RELCH: variants seen among roughly 807,000 people sequenced by gnomAD.
RELCH encodes the protein RAB11 binding and LisH domain, coiled-coil and HEAT repeat containing.
RELCH carries 41 observed loss-of-function variants against 150.3 expected under a neutral mutation model. The ratio of observed to expected loss-of-function variants is 0.27; its 90% CI spans 0.21 to 0.35. The LOEUF (loss-of-function observed/expected upper bound fraction) is 0.35. RELCH is among the 10% of genes least tolerant of loss of function. RELCH has a pLI of 1.00. For missense variants in RELCH, 1,092 were observed against 1,467.8 expected, an observed-to-expected ratio of 0.74 and a Z score of 4.18; for synonymous variants, 478 against 531.8, an observed-to-expected ratio of 0.90 and a Z score of 1.39.
At position 62,306,204 on chromosome 18, in the gene RELCH, A is replaced by G. The variant is rs1232323640; in HGVS notation, c.*670A>G. 6.6e-6 allele frequency: 1 copy of G among 152,344 alleles called. No individual in the cohort carries two copies. Among genetic ancestry groups the G allele is most frequent in the Non-Finnish European group, 1.5e-5 (1 of 68,028 alleles). The allele number at this position is 152,344 out of a possible 1,614,324, so 9.4% of individuals were successfully genotyped here. A position where few individuals can be genotyped will look rare whatever the true frequency, so the allele number is the denominator to read the frequency against. On this transcript the variant is annotated 3_prime_UTR_variant, in exon 29 of 29. Coordinates refer to ENST00000644646, the MANE Select transcript of RELCH (RefSeq NM_001346231.2). ...CTTTAAGTGCTATTTAAACCTCCCC[A>G]GCACTTAGATGCATATAATGGACTT...
intron 13 of RELCH, 33 bp from the exon 14 acceptor site, chr18:62,257,915 G>T: frequency 6.5e-7 from 1 of 1,536,462 alleles, no homozygotes; most frequent in Non-Finnish European, 8.9e-7. Flanking sequence ...GTGCTTAGGT[G>T]TAAATAAATA....
At position 62,274,100 on chromosome 18, in the gene RELCH, G is replaced by A. The variant is rs1265279450; in HGVS notation, c.2867+14G>A. The A allele has an allele frequency of 1.3e-6, 2 of 1,544,944 alleles. No homozygotes were observed. The highest frequency in any genetic ancestry group is 1.1e-5 in the South Asian group (1 of 89,010). On this transcript the variant is annotated intron_variant, in intron 21 of 28. Coordinates refer to ENST00000644646, the MANE Select transcript of RELCH (RefSeq NM_001346231.2). The stretch of plus-strand genomic sequence containing the variant: ...TGTGGAATTGGGGTAAGAAATAACA[G>A]CTTATAGTTTGCTAAAAGGCATATA...
chr18:62,250,939 T>C (rs569558269), intron 11 of RELCH, among the ~76,000 whole-genome samples: 3 of 152,292 alleles, frequency 2.0e-5, no homozygotes, highest in South Asian at 2.1e-4. Context: ...AAAAATATAC[T>C]TTTTTTCCCA....
At chr18:62,263,718 A>G (rs11152340) in intron 16 of RELCH, among the ~76,000 whole-genome samples, 24,735 of 152,000 alleles carry the variant, frequency 0.16, 2,700 homozygotes, top group Middle Eastern at 0.28. Flanking sequence ...ACAATCATGA[A>G]TAAAATAGAT....
intron 1 of RELCH, among the ~76,000 whole-genome samples, chr18:62,193,515 C>G (rs1013257762): frequency 6.6e-6 from 1 of 151,980 alleles, no homozygotes; most frequent in Non-Finnish European, 1.5e-5. Flanking sequence ...ATATATGGCT[C>G]TTATTATTTT....
intron 27 of RELCH, 139 bp from the exon 28 acceptor site, chr18:62,298,651 C>T: frequency 3.6e-6 from 2 of 554,792 alleles, no homozygotes; most frequent in South Asian, 2.6e-5. Context: ...ATATGAATTC[C>T]TTTAACAAAG....
intron 21 of RELCH, among the ~76,000 whole-genome samples, chr18:62,275,136 C>G (rs140613950): frequency 6.6e-6 from 1 of 152,088 alleles, no homozygotes; most frequent in African/African-American, 2.4e-5. Context: ...AGGATGGTCT[C>G]GATCTCTTGA....
chr18:62,295,353 G>T (rs1346220659), intron 27 of RELCH, among the ~76,000 whole-genome samples: 1 of 143,490 alleles, frequency 7.0e-6, no homozygotes, highest in Admixed American at 7.0e-5. Flanking sequence ...TTTAAAGTTA[G>T]TTTTGAATAG....
At chr18:62,258,449 TTAAG>T (rs1250895906) in intron 14 of RELCH, 59 bp from the exon 15 acceptor site, 5 of 1,337,244 alleles carry the variant, frequency 3.7e-6, no homozygotes, top group East Asian at 4.7e-5. Flanking sequence ...TTACTTTTTA[TTAAG>T]TGTTTTATTT....
At chr18:62,282,083 T>C (rs1452556354) in intron 24 of RELCH, among the ~76,000 whole-genome samples, 1 of 152,230 alleles carries the variant, frequency 6.6e-6, no homozygotes, top group African/African-American at 2.4e-5. Context: ...GGAATATTTG[T>C]ATTTTTTAAT....
intron 27 of RELCH, among the ~76,000 whole-genome samples, chr18:62,296,194 C>T (rs1237957109): frequency 6.6e-6 from 1 of 152,158 alleles, no homozygotes; most frequent in Non-Finnish European, 1.5e-5. Context: ...TTATATATTT[C>T]AATAAAATAA....
intron 25 of RELCH, among the ~76,000 whole-genome samples, chr18:62,284,568 C>G (rs1191464148): frequency 6.6e-6 from 1 of 152,058 alleles, no homozygotes; most frequent in African/African-American, 2.4e-5. Context: ...TTAGAACTTA[C>G]CCTGAGGAAT....
chr18:62,201,931 A>G (rs1448710629), intron 1 of RELCH, among the ~76,000 whole-genome samples: 1 of 152,178 alleles, frequency 6.6e-6, no homozygotes, highest in African/African-American at 2.4e-5. Context: ...TAGTAAAAAC[A>G]TTTTTCAGCA....
chr18:62,267,507 TG>T (rs2043646299), intron 19 of RELCH, among the ~76,000 whole-genome samples: 2 of 142,202 alleles, frequency 1.4e-5, no homozygotes, highest in Non-Finnish European at 3.1e-5. Flanking sequence ...TGTGTGTGTG[TG>T]TGTGTGTGTG....
chr18:62,227,282 C>A lies in RELCH; in HGVS notation c.859-7C>A. 2.7e-6 allele frequency: 4 copies of A among 1,455,890 alleles called. No homozygotes were observed. The highest frequency in any genetic ancestry group is 1.3e-5 in the South Asian group (1 of 74,914). 90.2% of individuals were successfully genotyped at this position (1,455,890 alleles called of 1,614,324 possible). The stretch of plus-strand genomic sequence containing the variant: ...AAGATTTTTTATGTTTTTTTTTTAT[C>A]TTTTAGGATTTTGAATTATGGGATG... On this transcript the variant is annotated splice_polypyrimidine_tract_variant and splice_region_variant and intron_variant, in intron 5 of 28. Coordinates refer to ENST00000644646, the MANE Select transcript of RELCH (RefSeq NM_001346231.2).
intron 1 of RELCH, among the ~76,000 whole-genome samples, chr18:62,193,749 G>A (rs1249972179): frequency 6.6e-6 from 1 of 152,152 alleles, no homozygotes; most frequent in Non-Finnish European, 1.5e-5. Flanking sequence ...TTGACGTGCT[G>A]CTGGCTTCGA....
At chr18:62,218,166 AGACGGGAAAGTGT>A (rs1236904859) in intron 2 of RELCH, among the ~76,000 whole-genome samples, 1 of 151,984 alleles carries the variant, frequency 6.6e-6, no homozygotes, top group African/African-American at 2.4e-5. Flanking sequence ...TAAGTATTAA[AGACGGGAAAGTGT>A]TATTTCAAAT....
intron 26 of RELCH, among the ~76,000 whole-genome samples, chr18:62,288,160 G>A (rs2044913855): frequency 6.6e-6 from 1 of 152,044 alleles, no homozygotes; most frequent in Non-Finnish European, 1.5e-5. Flanking sequence ...AGATAACGAT[G>A]GGCAAAGTGA....
chr18:62,283,619 A>G (rs2044638631), intron 25 of RELCH, among the ~76,000 whole-genome samples: 1 of 152,240 alleles, frequency 6.6e-6, no homozygotes, highest in African/African-American at 2.4e-5. Context: ...TGATCAAACT[A>G]TAGAAACACA....
Sources: gnomAD v4.1 joint callset for allele counts (sites outside exome capture counted in the v4.1 genomes callset) on GRCh38, gnomAD v4.1.1 for gene constraint, MANE v1.5 for transcripts, NCBI Gene and HGNC (gene_info 2026-07-23, HGNC 2026-07-21) for gene names.